Variants in CACNA1D observed in about 807,000 individuals in gnomAD.
CACNA1D encodes the protein voltage-dependent L-type calcium channel subunit alpha-1D.
In CACNA1D, 55 loss-of-function variants were observed where a neutral mutation model predicts 257.1. The ratio of observed to expected loss-of-function variants is 0.21; its 90% CI spans 0.17 to 0.27. The LOEUF is 0.27. Ranked by LOEUF, CACNA1D falls within the 10% of genes least tolerant of loss-of-function variation. The pLI, the probability that CACNA1D is intolerant of heterozygous loss-of-function variation, is 1.00. For missense variants in CACNA1D, 1,876 were observed against 2,784.0 expected (o/e 0.67, Z 7.34); for synonymous variants, 980 against 1,014.9 (o/e 0.97, Z 0.65).
At chr3:53,537,731 G>A (rs1011979688) in intron 3 of CACNA1D, among the ~76,000 whole-genome samples, 1 of 152,014 alleles carries the variant, frequency 6.6e-6, no homozygotes, top group Non-Finnish European at 1.5e-5. Flanking sequence ...TAATCTGTCT[G>A]TTCCCTCTGT....
Position 53,497,394 on chromosome 3 carries a change from C to T in CACNA1D, c.310C>T (p.Arg104Cys), listed in dbSNP as rs1380932577. The T allele has an allele frequency of 4.3e-6, 7 of 1,614,046 alleles. No individual in the cohort carries two copies. The highest frequency in any genetic ancestry group is 1.7e-5 in the Admixed American group (1 of 60,000). ...TAACTCGTCCAACAGCCGACCTGCC[C>T]GCGCCCTTTTCTGTTTATCACTCAA... ...QGNSSNSRPARALFCLSLNNP... is the reference protein window; with the variant it reads ...QGNSSNSRPACALFCLSLNNP... The change falls in exon 2 of 48, where the codon CGC becomes TGC. Residue 104 changes from arginine to cysteine, a missense_variant. Transcript: ENST00000350061.
At chr3:53,785,964 A>G (rs938384596) in intron 39 of CACNA1D, 3 of 152,294 alleles carry the variant, frequency 2.0e-5, no homozygotes, top group African/African-American at 7.2e-5. Flanking sequence ...AGTGGTCACA[A>G]GCTTTACCCC....
chr3:53,767,246 T>C (rs981161130), intron 30 of CACNA1D, among the ~76,000 whole-genome samples: 1 of 152,152 alleles, frequency 6.6e-6, no homozygotes, highest in Non-Finnish European at 1.5e-5. Flanking sequence ...GCAGCATATT[T>C]GAATCACCAA....
Position 53,511,767 on chromosome 3 carries a change from C to T in CACNA1D, c.483+10047C>T, listed in dbSNP as rs540455208. Among the ~76,000 whole-genome samples, 7 of 152,164 alleles carry T rather than the reference C, an allele frequency of 4.6e-5. 1 individual carries two copies. In the East Asian group the frequency reaches 7.7e-4, roughly 17 times the overall value. ...AAAGTACTTTTTAAAGCATTTATTA[C>T]GGGTAAAATATAGTCCCATTAGACA... On this transcript the variant is annotated intron_variant, in intron 3 of 47. Transcript: ENST00000350061.
chr3:53,803,683 A>G, intron 44 of CACNA1D, 111 bp downstream of exon 44: 3 of 1,029,110 alleles, frequency 2.9e-6, no homozygotes, highest in Non-Finnish European at 4.5e-6. Context: ...CCTAAAAAGC[A>G]AAATGGGAGC....
chr3:53,580,828 G>C (rs1326166416), intron 3 of CACNA1D, among the ~76,000 whole-genome samples: 1 of 152,192 alleles, frequency 6.6e-6, no homozygotes, highest in Non-Finnish European at 1.5e-5. Context: ...AGTTTCTTCA[G>C]TTCTCAAAAT....
Position 53,702,809 on chromosome 3 carries a change from T to C in CACNA1D, c.1389T>C (p.Asn463=), listed in dbSNP as rs150652713. ...EEEGGEEGKR[N]TSMPTSETES... ...AAGGAGGAGAGGAAGGCAAACGAAA[T>C]AGTATGTAGCGCCTTTCCTGCCCCT... Residue 463 remains asparagine (N), a splice_region_variant and synonymous_variant, in exon 9 of 48, where the codon AAT becomes AAC. Coordinates refer to ENST00000350061, the MANE Select transcript of CACNA1D (RefSeq NM_001128840.3). The C allele has an allele frequency of 2.5e-6, 4 of 1,613,866 alleles. No individual in the cohort carries two copies. Among genetic ancestry groups the C allele is most frequent in the African/African-American group, 1.3e-5 (1 of 74,856 alleles).
chr3:53,505,775 A>G (rs1388407834), intron 3 of CACNA1D, among the ~76,000 whole-genome samples: 1 of 152,176 alleles, frequency 6.6e-6, no homozygotes, highest in Non-Finnish European at 1.5e-5. Context: ...GCAGTCTAGG[A>G]AATTTTGTAC....
intron 9 of CACNA1D, among the ~76,000 whole-genome samples, chr3:53,715,573 T>C (rs570575007): frequency 2.0e-5 from 3 of 152,278 alleles, no homozygotes; most frequent in African/African-American, 7.2e-5. Context: ...TGTGTGGGCC[T>C]CACTGATCAT....
chr3:53,573,576 T>C (rs1246119137), intron 3 of CACNA1D, among the ~76,000 whole-genome samples: 2 of 152,246 alleles, frequency 1.3e-5, no homozygotes, highest in African/African-American at 4.8e-5. Context: ...TTTATTTTTC[T>C]CCTTTGTGCT....
At chr3:53,498,842 T>TC (rs2107092652) in intron 2 of CACNA1D, among the ~76,000 whole-genome samples, 1 of 152,342 alleles carries the variant, frequency 6.6e-6, no homozygotes, top group East Asian at 1.9e-4. Context: ...ATGTGCTTTT[T>TC]CATTTTGCAG....
At chr3:53,548,025 G>A (rs1381061898) in intron 3 of CACNA1D, among the ~76,000 whole-genome samples, 1 of 152,190 alleles carries the variant, frequency 6.6e-6, no homozygotes, top group Non-Finnish European at 1.5e-5. Flanking sequence ...TTTACAGCTG[G>A]GTAGGTGGAA....
At chr3:53,642,923 A>G (rs971597003) in intron 3 of CACNA1D, among the ~76,000 whole-genome samples, 4 of 152,208 alleles carry the variant, frequency 2.6e-5, no homozygotes, top group Admixed American at 1.3e-4. Flanking sequence ...CGAGCCTTCC[A>G]TTGTGAGGTG....
intron 9 of CACNA1D, among the ~76,000 whole-genome samples, chr3:53,704,653 G>A (rs548912188): frequency 1.3e-5 from 2 of 152,350 alleles, no homozygotes; most frequent in Admixed American, 6.5e-5. Context: ...GCAGCTTGGA[G>A]ATGCCTGCAC....
At chr3:53,700,095 TA>T (rs1012290911) in intron 8 of CACNA1D, among the ~76,000 whole-genome samples, 9 of 148,156 alleles carry the variant, frequency 6.1e-5, no homozygotes, top group Non-Finnish European at 1.2e-4. Flanking sequence ...AAATAAAATA[TA>T]ATTATATAAT....
rs1377538238 is a variant in CACNA1D at position 53,796,068 on chromosome 3, G to A, written c.4924-4181G>A. 6 of 256,596 alleles carry A rather than the reference G, an allele frequency of 2.3e-5. No individual in the cohort carries two copies. In the Admixed American group the frequency reaches 2.6e-4, roughly 11 times the overall value. The allele number at this position is 256,596 out of a possible 1,614,324, so 15.9% of individuals were successfully genotyped here. On this transcript the variant is annotated intron_variant, in intron 40 of 47. Coordinates refer to ENST00000350061, the MANE Select transcript of CACNA1D (RefSeq NM_001128840.3). ...TAAGGGGTGTGCCCACGTGTGATGTGCTGAGGAGGCGGACGGCAGCTTGCA... is the reference window on the plus strand; with the variant it reads ...TAAGGGGTGTGCCCACGTGTGATGTACTGAGGAGGCGGACGGCAGCTTGCA...
intron 7 of CACNA1D, among the ~76,000 whole-genome samples, chr3:53,670,095 C>G (rs921940002): frequency 2.4e-4 from 36 of 152,172 alleles, no homozygotes; most frequent in African/African-American, 8.2e-4. Context: ...TCTCAGTGCA[C>G]ACTCCTACGG....
Position 53,745,748 on chromosome 3 carries a change from C to T in CACNA1D, c.3114+17C>T, listed in dbSNP as rs773393101. The stretch of plus-strand genomic sequence containing the variant: ...TTGTTCAAGGTAGAGGAACTGCCTC[C>T]AAGCATAAAACTCAGGTGGATTTCT... On this transcript the variant is annotated intron_variant, in intron 24 of 47. Transcript: ENST00000350061. 4 of 1,601,774 alleles carry T rather than the reference C, an allele frequency of 2.5e-6. No homozygotes were observed. The highest frequency in any genetic ancestry group is 2.2e-5 in the East Asian group (1 of 44,844).
At chr3:53,548,002 G>A (rs746131967) in intron 3 of CACNA1D, among the ~76,000 whole-genome samples, 2 of 152,184 alleles carry the variant, frequency 1.3e-5, no homozygotes, top group African/African-American at 2.4e-5. Flanking sequence ...GGCCAGGGAG[G>A]ATTATCCCAG....
Sources: allele counts gnomAD v4.1 joint callset (sites outside exome capture counted in the v4.1 genomes callset), GRCh38; gene constraint gnomAD v4.1.1; transcripts MANE v1.5; gene names NCBI Gene and HGNC (gene_info 2026-07-23, HGNC 2026-07-21).